The following ZNF385B variants were observed in gnomAD, a reference collection of about 807,000 sequenced individuals.
The protein encoded by ZNF385B is zinc finger protein 533.
A neutral mutation model predicts 39.2 loss-of-function variants in ZNF385B; 23 were observed. The ratio of observed to expected loss-of-function variants is 0.59; its 90% CI spans 0.42 to 0.83. The LOEUF is 0.83. ZNF385B is among the 40% of genes least tolerant of loss of function. The pLI is 0.00. For synonymous variants in ZNF385B, 205 were observed against 222.6 expected, an observed-to-expected ratio of 0.92 and a Z score of 0.70; for missense variants, 552 against 598.9, an observed-to-expected ratio of 0.92 and a Z score of 0.82.
intron 3 of ZNF385B, among the ~76,000 whole-genome samples, chr2:179,552,881 T>G (rs2060665484): frequency 6.7e-6 from 1 of 149,380 alleles, no homozygotes; most frequent in Admixed American, 6.7e-5. Flanking sequence ...TGTAGGTATA[T>G]ATACTCATTT....
intron 3 of ZNF385B, among the ~76,000 whole-genome samples, chr2:179,563,801 A>C (rs1387285833): frequency 6.6e-6 from 1 of 152,162 alleles, no homozygotes; most frequent in Non-Finnish European, 1.5e-5. Flanking sequence ...TTTCACTCAA[A>C]AAAAAGTCTT....
chr2:179,445,575 A>C lies in ZNF385B; in HGVS notation c.1115T>G (p.Val372Gly), dbSNP rs192385806. 4 of 1,611,670 alleles carry C rather than the reference A, an allele frequency of 2.5e-6. No individual in the cohort carries two copies. The East Asian group carries it at 8.9e-5, about 36-fold the overall frequency. Residue 372 changes from valine to glycine, a missense_variant, in exon 8 of 10, where the codon GTT becomes GGT. Val to Gly is a moderately radical substitution (Grantham distance 109). Coordinates refer to ENST00000410066, the MANE Select transcript of ZNF385B (RefSeq NM_152520.6). ...CTGTTTGAGTTGAATTTCTGAATTA[A>C]CATGAACATCACAGATTTCACAATG... The part of the protein sequence containing the change: ...TFHCEICDVH[V>G]NSEIQLKQHI...
rs558983977 is a variant in ZNF385B at position 179,558,487 on chromosome 2, T to C, written c.299-13518A>G. 7.6e-4 allele frequency among the ~76,000 whole-genome samples: 116 copies of C among 152,324 alleles called. 3 individuals carry two copies. In the South Asian group the frequency reaches 0.019, roughly 26 times the overall value. On this transcript the variant is annotated intron_variant, in intron 3 of 9. Transcript: ENST00000410066. ...GAGAAAACAGAGTTAATATTTGCTC[T>C]GCTAGTGCTTTCTACTCCCACTTTG...
intron 3 of ZNF385B, among the ~76,000 whole-genome samples, chr2:179,743,555 C>T (rs902282117): frequency 6.6e-6 from 1 of 151,962 alleles, no homozygotes; most frequent in African/African-American, 2.4e-5. Flanking sequence ...TAGCAACATC[C>T]AAATATGTAC....
At chr2:179,771,597 T>C (rs1378199025) in intron 1 of ZNF385B, among the ~76,000 whole-genome samples, 1 of 152,196 alleles carries the variant, frequency 6.6e-6, no homozygotes, top group African/African-American at 2.4e-5. Flanking sequence ...ATAATTCAGC[T>C]ATAATTGAAA....
chr2:179,624,523 C>A (rs1029218788), intron 3 of ZNF385B, among the ~76,000 whole-genome samples: 5 of 152,218 alleles, frequency 3.3e-5, no homozygotes, highest in African/African-American at 1.2e-4. Flanking sequence ...GACCTCCTCA[C>A]ATACATGAAG....
rs377075909 is a variant in ZNF385B at position 179,566,357 on chromosome 2, T to C, written c.299-21388A>G. Among the ~76,000 whole-genome samples the C allele has an allele frequency of 7.2e-5, 11 of 152,336 alleles. No individual in the cohort carries two copies. In the East Asian group the frequency reaches 1.9e-3, roughly 27 times the overall value. On this transcript the variant is annotated intron_variant, in intron 3 of 9. Transcript: ENST00000410066. ...CAGGACAGCTGTGTAAGATACAGCA[T>C]TGCATTAGCAATAGCACCTCAATGC... is the stretch of plus-strand genomic sequence containing the variant.
At chr2:179,517,457 C>G (rs528765992) in intron 5 of ZNF385B, among the ~76,000 whole-genome samples, 73 of 149,930 alleles carry the variant, frequency 4.9e-4, no homozygotes, top group Non-Finnish European at 9.9e-4. Context: ...ATTCATTGGA[C>G]TTTTGATTAA....
intron 1 of ZNF385B, among the ~76,000 whole-genome samples, chr2:179,841,547 A>T (rs1304737914): frequency 1.3e-5 from 2 of 152,210 alleles, no homozygotes; most frequent in African/African-American, 2.4e-5. Flanking sequence ...AGCACTATTG[A>T]TATTTTGGTC....
chr2:179,627,707 G>A (rs2106179923), intron 3 of ZNF385B, among the ~76,000 whole-genome samples: 1 of 152,202 alleles, frequency 6.6e-6, no homozygotes, highest in Non-Finnish European at 1.5e-5. Flanking sequence ...ACAAATCAGG[G>A]CTTTTTTCTT....
intron 3 of ZNF385B, among the ~76,000 whole-genome samples, chr2:179,729,704 A>C (rs1341489721): frequency 4.6e-5 from 7 of 152,290 alleles, no homozygotes; most frequent in Admixed American, 4.6e-4. Flanking sequence ...ATCTCATCTC[A>C]AACTGTAATC....
At chr2:179,656,745 T>C (rs2106263078) in intron 3 of ZNF385B, among the ~76,000 whole-genome samples, 1 of 152,298 alleles carries the variant, frequency 6.6e-6, no homozygotes. Context: ...TTTAATACTA[T>C]AGATATACCA....
chr2:179,478,237 G>A (rs1174068767), intron 6 of ZNF385B, among the ~76,000 whole-genome samples: 1 of 151,962 alleles, frequency 6.6e-6, no homozygotes, highest in Admixed American at 6.6e-5. Context: ...CTTTAAATCC[G>A]ATATATCCAA....
chr2:179,513,199 T>C (rs2105783680), intron 5 of ZNF385B, among the ~76,000 whole-genome samples: 1 of 152,294 alleles, frequency 6.6e-6, no homozygotes, highest in South Asian at 2.1e-4. Flanking sequence ...TACATTAAAA[T>C]GTAAATAGGG....
chr2:179,724,169 C>T (rs995824532), intron 3 of ZNF385B, among the ~76,000 whole-genome samples: 4 of 152,038 alleles, frequency 2.6e-5, no homozygotes, highest in African/African-American at 9.7e-5. Context: ...ATTCACCGGG[C>T]ATGGTGGCGG....
intron 1 of ZNF385B, among the ~76,000 whole-genome samples, chr2:179,775,918 A>G (rs907439885): frequency 2.0e-5 from 3 of 152,142 alleles, no homozygotes; most frequent in Non-Finnish European, 2.9e-5. Context: ...CTGCAAGTGG[A>G]TTTAAATTGT....
chr2:179,712,679 G>A (rs540742119), intron 3 of ZNF385B, among the ~76,000 whole-genome samples: 4 of 152,118 alleles, frequency 2.6e-5, no homozygotes, highest in South Asian at 2.1e-4. Flanking sequence ...CTCAGGCTTC[G>A]TATCTGATGT....
At chr2:179,686,296 T>C (rs1697921137) in intron 3 of ZNF385B, among the ~76,000 whole-genome samples, 1 of 152,216 alleles carries the variant, frequency 6.6e-6, no homozygotes, top group Non-Finnish European at 1.5e-5. Context: ...CTGTGGTCTT[T>C]GGGCTGTTCT....
intron 4 of ZNF385B, among the ~76,000 whole-genome samples, chr2:179,523,460 C>G (rs958443215): frequency 9.3e-5 from 14 of 150,932 alleles, no homozygotes; most frequent in African/African-American, 3.4e-4. Flanking sequence ...CAAGTGAAAC[C>G]TAGACACAGG....
Sources: allele counts gnomAD v4.1 joint callset (sites outside exome capture counted in the v4.1 genomes callset), GRCh38; gene constraint gnomAD v4.1.1; transcripts MANE v1.5; gene names NCBI Gene and HGNC (gene_info 2026-07-23, HGNC 2026-07-21).